RASAL2: variants seen among roughly 807,000 people sequenced by gnomAD.
The protein encoded by RASAL2 is RAS protein activator like 2.
In RASAL2, 58 loss-of-function variants were observed where a neutral mutation model predicts 128.9. The observed-to-expected ratio is 0.45, with a 90% confidence interval of 0.36 to 0.56. The LOEUF (loss-of-function observed/expected upper bound fraction) is 0.56. Among genes scored for constraint, RASAL2 ranks in the 20% least tolerant of loss-of-function variants. RASAL2 has a pLI of 0.00. For missense variants in RASAL2, 1,360 were observed against 1,601.6 expected (o/e 0.85, Z 2.57); for synonymous variants, 561 against 580.8 (o/e 0.97, Z 0.49).
intron 14 of RASAL2, among the ~76,000 whole-genome samples, chr1:178,463,994 G>A (rs924467604): frequency 1.3e-5 from 2 of 152,100 alleles, no homozygotes; most frequent in African/African-American, 2.4e-5. Flanking sequence ...GGACCACTGG[G>A]CAAATTAACA....
intron 1 of RASAL2, among the ~76,000 whole-genome samples, chr1:178,176,470 A>C (rs561268248): frequency 6.6e-6 from 1 of 151,708 alleles, no homozygotes; most frequent in Non-Finnish European, 1.5e-5. Context: ...TGTCAGATGC[A>C]TAGCTTGCAG....
intron 1 of RASAL2, among the ~76,000 whole-genome samples, chr1:178,095,459 C>T (rs1412725198): frequency 1.3e-5 from 2 of 152,176 alleles, no homozygotes; most frequent in Non-Finnish European, 2.9e-5. Flanking sequence ...GCATTCAGGA[C>T]TGAGCTGTGG....
chr1:178,406,307 T>G (rs930769451), intron 4 of RASAL2, among the ~76,000 whole-genome samples: 3 of 152,176 alleles, frequency 2.0e-5, no homozygotes, highest in African/African-American at 4.8e-5. Flanking sequence ...TTCAAAAACA[T>G]TATGCTAAGT....
intron 1 of RASAL2, among the ~76,000 whole-genome samples, chr1:178,275,373 A>G (rs1357056429): frequency 6.6e-6 from 1 of 152,218 alleles, no homozygotes; most frequent in African/African-American, 2.4e-5. Flanking sequence ...GTGCATATTT[A>G]AGAAGTGGAA....
intron 5 of RASAL2, among the ~76,000 whole-genome samples, chr1:178,425,995 C>T (rs532670221): frequency 1.3e-4 from 20 of 152,114 alleles, no homozygotes; most frequent in Non-Finnish European, 2.5e-4. Flanking sequence ...TCAGCTTCCA[C>T]CCAGCTCTAG....
intron 3 of RASAL2, among the ~76,000 whole-genome samples, chr1:178,349,258 TAAAAA>T (rs1163062770): frequency 2.7e-5 from 3 of 110,812 alleles, no homozygotes; most frequent in Non-Finnish European, 3.8e-5. Context: ...GTCTCTACTT[TAAAAA>T]AAAAAAAAAA....
intron 1 of RASAL2, chr1:178,194,353 C>G (rs1035647444): frequency 4.4e-6 from 1 of 225,552 alleles, no homozygotes; most frequent in Non-Finnish European, 9.9e-6. Context: ...TAAACTCTCT[C>G]TCCCCATATC....
At chr1:178,459,432 AT>A (rs529635594) in intron 14 of RASAL2, among the ~76,000 whole-genome samples, 12 of 151,906 alleles carry the variant, frequency 7.9e-5, no homozygotes, top group African/African-American at 2.2e-4. Context: ...TATTAGTTGA[AT>A]TTTTTTTGAA....
chr1:178,186,926 T>C (rs1662323715), intron 1 of RASAL2, among the ~76,000 whole-genome samples: 1 of 151,954 alleles, frequency 6.6e-6, no homozygotes, highest in South Asian at 2.1e-4. Flanking sequence ...TGGGCTCTAG[T>C]GATCCTCCCG....
rs976721129 is a variant in RASAL2, at chr1:178,451,389, A to G, written c.1628-182A>G. Among the ~76,000 whole-genome samples, 40 of 152,222 alleles carry G rather than the reference A, an allele frequency of 2.6e-4. 1 individual carries two copies. Among genetic ancestry groups the G allele is most frequent in the African/African-American group, 8.7e-4 (36 of 41,464 alleles). On this transcript the variant is annotated intron_variant, in intron 9 of 17. Coordinates refer to ENST00000367649, the MANE Select transcript of RASAL2 (RefSeq NM_170692.4). ...GATAAGAAAAATAAACATGATATGT[A>G]GGATGTGGCAACTCTTGGGTTCCAA...
intron 1 of RASAL2, among the ~76,000 whole-genome samples, chr1:178,207,890 G>A (rs1663112428): frequency 6.6e-6 from 1 of 152,126 alleles, no homozygotes; most frequent in Non-Finnish European, 1.5e-5. Context: ...ACACATTTTA[G>A]TCAAATCATG....
chr1:178,228,313 G>A lies in RASAL2; in HGVS notation c.203-55251G>A, dbSNP rs764177083. On this transcript the variant is annotated intron_variant, in intron 1 of 17. Coordinates refer to ENST00000367649, the MANE Select transcript of RASAL2 (RefSeq NM_170692.4). ...AAAAAAATTGTGGGCCGGGTGCGGT[G>A]GCTTATGCCTGTAATCCCAGCACTT... Among the ~76,000 whole-genome samples the A allele has an allele frequency of 3.3e-5, 5 of 152,150 alleles. 1 individual carries two copies. Among genetic ancestry groups the A allele is most frequent in the Non-Finnish European group, 7.4e-5 (5 of 68,024 alleles).
intron 4 of RASAL2, among the ~76,000 whole-genome samples, chr1:178,409,520 G>T (rs1674221898): frequency 1.3e-5 from 2 of 152,154 alleles, no homozygotes; most frequent in Admixed American, 1.3e-4. Context: ...AAACATGCAT[G>T]GTGAATATAG....
Position 178,094,354 on chromosome 1 carries a change from A to G in RASAL2, c.-139A>G. ...AGTGGGCGACGGGGAAGGAGGTGAG[A>G]GGTGTCCGCGCCGGCTGCCGCTCGG... On this transcript the variant is annotated 5_prime_UTR_variant, in exon 1 of 18. Transcript: ENST00000367649. 1.3e-6 allele frequency: 1 copy of G among 741,130 alleles called. No homozygotes were observed. The highest frequency in any genetic ancestry group is 2.1e-6 in the Non-Finnish European group (1 of 482,658). The allele number at this position is 741,130 out of a possible 1,614,324, so 45.9% of individuals were successfully genotyped here. A position where few individuals can be genotyped will look rare whatever the true frequency, so the allele number is the denominator to read the frequency against.
intron 1 of RASAL2, among the ~76,000 whole-genome samples, chr1:178,200,468 G>A (rs1325667635): frequency 6.6e-6 from 1 of 152,190 alleles, no homozygotes; most frequent in Non-Finnish European, 1.5e-5. Flanking sequence ...AAGTTGGTTA[G>A]TTGCTTCTAA....
At chr1:178,298,282 A>T (rs1201627491) in intron 2 of RASAL2, among the ~76,000 whole-genome samples, 2 of 152,168 alleles carry the variant, frequency 1.3e-5, no homozygotes, top group Non-Finnish European at 2.9e-5. Context: ...GTACTTTTGG[A>T]AGACTTCATG....
intron 1 of RASAL2, among the ~76,000 whole-genome samples, chr1:178,100,397 A>G (rs1299683879): frequency 1.3e-5 from 2 of 151,596 alleles, no homozygotes; most frequent in African/African-American, 2.4e-5. Context: ...ATGGTGGCAC[A>G]TCTGTAATCC....
At chr1:178,107,179 G>T (rs1360533296) in intron 1 of RASAL2, among the ~76,000 whole-genome samples, 2 of 152,146 alleles carry the variant, frequency 1.3e-5, no homozygotes, top group African/African-American at 4.8e-5. Context: ...GGTGATGTGA[G>T]ATGATTACTA....
intron 1 of RASAL2, chr1:178,120,857 G>C (rs1659692210): frequency 6.6e-6 from 1 of 152,278 alleles, no homozygotes; most frequent in Non-Finnish European, 1.5e-5. Flanking sequence ...TGCCGCTGCT[G>C]ATCTGACAGG....
Sources: allele counts gnomAD v4.1 joint callset (sites outside exome capture counted in the v4.1 genomes callset), GRCh38; gene constraint gnomAD v4.1.1; transcripts MANE v1.5; gene names NCBI Gene and HGNC (gene_info 2026-07-23, HGNC 2026-07-21).